LIMS1: variants seen among roughly 807,000 people sequenced by gnomAD.
LIMS1 encodes the protein LIM and senescent cell antigen-like-containing domain protein 1.
Under a neutral mutation model 44.1 loss-of-function variants are expected in LIMS1, and 18 were observed. The observed-to-expected ratio is 0.41, with a 90% CI of 0.28 to 0.61. The LOEUF (loss-of-function observed/expected upper bound fraction) is 0.61. Among genes scored for constraint, LIMS1 ranks in the 20% least tolerant of loss-of-function variants. The probability of loss-of-function intolerance (pLI) is 0.32; values close to 1 mark genes in which losing one functional copy is unlikely to be tolerated. For missense variants in LIMS1, 201 were observed against 422.0 expected (o/e 0.48, Z 4.59); for synonymous variants, 93 against 149.1 (o/e 0.62, Z 2.74).
chr2:108,683,870 A>AT lies in LIMS1; in HGVS notation c.900-9dup. 2 of 1,373,040 alleles carry AT rather than the reference A, an allele frequency of 1.5e-6. No individual in the cohort carries two copies. Among genetic ancestry groups the AT allele is most frequent in the Non-Finnish European group, 2.0e-6 (2 of 995,936 alleles). 85.1% of individuals were successfully genotyped at this position (1,373,040 alleles called of 1,614,324 possible). On this transcript the variant is annotated splice_polypyrimidine_tract_variant and intron_variant, in intron 9 of 9. Transcript: ENST00000544547. ...TTCCACTAACTTCTTTTTTTTTATA[A>AT]TTTTTTGTCTTTAGGAATAAGTTTG... is the stretch of plus-strand genomic sequence containing the variant.
At chr2:108,629,889 C>G (rs1688798089) in intron 1 of LIMS1, among the ~76,000 whole-genome samples, 1 of 152,070 alleles carries the variant, frequency 6.6e-6, no homozygotes, top group Admixed American at 6.6e-5. Flanking sequence ...TTTAGGAGAT[C>G]AAGATTTGAA....
chr2:108,603,495 C>CTTTTTTTTT (rs55909729), intron 1 of LIMS1, among the ~76,000 whole-genome samples: 1 of 88,210 alleles, frequency 1.1e-5, no homozygotes, highest in Admixed American at 1.7e-4. Flanking sequence ...TTTTCATCGC[C>CTTTTTTTTT]TTTTTTTTTT....
rs1301396350 is a variant in LIMS1 at position 108,642,352 on chromosome 2, TTTTTTGTTTTTTG to T, written c.33-17247_33-17235del. Among the ~76,000 whole-genome samples, 41 of 8,188 alleles carry T rather than the reference TTTTTTGTTTTTTG, an allele frequency of 5.0e-3. 3 individuals carry two copies. In the South Asian group the frequency reaches 0.068, roughly 14 times the overall value. 5.4% of individuals were successfully genotyped at this position (8,188 alleles called of 152,430 possible). A position where few individuals can be genotyped will look rare whatever the true frequency, so the allele number is the denominator to read the frequency against. ...CTACTAGTGTTTTTTGTTTTTTTTT[TTTTTTGTTTTTTG>T]TTTTTTTTTTTTGAGACGGAGTCTC... is the stretch of plus-strand genomic sequence containing the variant. On this transcript the variant is annotated intron_variant, in intron 1 of 9. Coordinates refer to ENST00000544547, the Ensembl canonical transcript of LIMS1.
At chr2:108,560,683 C>A (rs1685082868) in intron 1 of LIMS1, among the ~76,000 whole-genome samples, 1 of 152,054 alleles carries the variant, frequency 6.6e-6, no homozygotes, top group East Asian at 1.9e-4. Flanking sequence ...CAAACACACA[C>A]ACACAGCTTC....
intron 1 of LIMS1, among the ~76,000 whole-genome samples, chr2:108,584,402 G>C (rs929395944): frequency 6.6e-5 from 10 of 152,006 alleles, no homozygotes; most frequent in Non-Finnish European, 1.3e-4. Context: ...TTAAAGCCAC[G>C]TAACCTCATT....
In LIMS1 at chr2:108,568,008, T is replaced by C. The variant is rs995344347; in HGVS notation, c.32+33414T>C. ...ACTCACTGATTCACCAAAAATTGGG[T>C]AAATGGTTATTTTTATTCATCTGTC... is the stretch of plus-strand genomic sequence containing the variant. On this transcript the variant is annotated intron_variant, in intron 1 of 9. Coordinates refer to ENST00000544547, the Ensembl canonical transcript of LIMS1. 2.6e-5 allele frequency among the ~76,000 whole-genome samples: 4 copies of C among 152,252 alleles called. 1 individual carries two copies. The highest frequency in any genetic ancestry group is 6.3e-3 in the Middle Eastern group (2 of 316).
Position 108,604,510 on chromosome 2 carries a change from G to C in LIMS1, c.33-55095G>C, listed in dbSNP as rs750832270. On this transcript the variant is annotated intron_variant, in intron 1 of 9. Coordinates refer to ENST00000544547, the Ensembl canonical transcript of LIMS1. ...AACTTAACATTTTCAAATTTTAGAC[G>C]GTTACTGCATTCAGATCTTTTATCC... Among the ~76,000 whole-genome samples the C allele has an allele frequency of 2.6e-5, 4 of 152,158 alleles. No individual in the cohort carries two copies. In the South Asian group the frequency reaches 8.3e-4, roughly 32 times the overall value.
chr2:108,568,981 T>A (rs1056903350), intron 1 of LIMS1, among the ~76,000 whole-genome samples: 2 of 152,108 alleles, frequency 1.3e-5, no homozygotes, highest in African/African-American at 4.8e-5. Flanking sequence ...AACCTCCGCC[T>A]CCCAGGTTCC....
chr2:108,598,831 A>G (rs1686854035), intron 1 of LIMS1, among the ~76,000 whole-genome samples: 1 of 152,070 alleles, frequency 6.6e-6, no homozygotes, highest in Admixed American at 6.6e-5. Context: ...TTAGCATCTT[A>G]TAAAGAAAAA....
chr2:108,637,925 G>A (rs1689386782), intron 1 of LIMS1, among the ~76,000 whole-genome samples: 1 of 150,656 alleles, frequency 6.6e-6, no homozygotes, highest in African/African-American at 2.4e-5. Flanking sequence ...GCAGTGGCAT[G>A]ATCACAGCTC....
At chr2:108,651,378 C>T (rs554033776) in intron 1 of LIMS1, among the ~76,000 whole-genome samples, 23 of 152,338 alleles carry the variant, frequency 1.5e-4, no homozygotes, top group African/African-American at 5.3e-4. Context: ...TCGTTCAGAA[C>T]GTCAGCTTCT....
intron 8 of LIMS1, 150 bp from the exon 9 acceptor site, chr2:108,680,545 A>T: frequency 2.4e-5 from 28 of 1,156,878 alleles, no homozygotes; most frequent in Non-Finnish European, 2.7e-5. Flanking sequence ...TCATTTAAAA[A>T]AAAAAAAAAA....
At chr2:108,618,352 T>C (rs1345802407) in intron 1 of LIMS1, among the ~76,000 whole-genome samples, 2 of 152,132 alleles carry the variant, frequency 1.3e-5, no homozygotes, top group African/African-American at 4.8e-5. Flanking sequence ...TCCATCTCCA[T>C]GGGAAAGTAC....
chr2:108,576,901 C>T (rs1277778246), intron 1 of LIMS1, among the ~76,000 whole-genome samples: 1 of 152,170 alleles, frequency 6.6e-6, no homozygotes, highest in African/African-American at 2.4e-5. Flanking sequence ...ACAGGGAGAA[C>T]TCCCTGAGGT....
At chr2:108,534,806 T>G (rs1684068515) in intron 1 of LIMS1, among the ~76,000 whole-genome samples, 1 of 151,858 alleles carries the variant, frequency 6.6e-6, no homozygotes, top group African/African-American at 2.4e-5. Context: ...CTCCCGGGTG[T>G]CCGCGGTGGC....
intron 1 of LIMS1, among the ~76,000 whole-genome samples, chr2:108,580,300 A>G (rs1306256979): frequency 1.3e-5 from 2 of 152,218 alleles, no homozygotes; most frequent in Non-Finnish European, 2.9e-5. Context: ...GAGAAATAGT[A>G]TCTGATTAAC....
intron 1 of LIMS1, among the ~76,000 whole-genome samples, chr2:108,604,968 A>T (rs1278086141): frequency 6.6e-6 from 1 of 152,208 alleles, no homozygotes; most frequent in African/African-American, 2.4e-5. Context: ...TCTGAACAGG[A>T]TACTGAAGCT....
At chr2:108,611,618 G>A (rs1326910300) in intron 1 of LIMS1, among the ~76,000 whole-genome samples, 1 of 151,940 alleles carries the variant, frequency 6.6e-6, no homozygotes, top group Non-Finnish European at 1.5e-5. Context: ...AGTAGCTCAC[G>A]CCTGTAATCC....
chr2:108,674,223 G>T (rs1403167682), intron 5 of LIMS1, among the ~76,000 whole-genome samples: 1 of 152,040 alleles, frequency 6.6e-6, no homozygotes, highest in East Asian at 1.9e-4. Flanking sequence ...CCAGCTACTT[G>T]GAAGGCTGAG....
Sources: allele counts gnomAD v4.1 joint callset (sites outside exome capture counted in the v4.1 genomes callset), GRCh38; gene constraint gnomAD v4.1.1; transcripts MANE v1.5; gene names NCBI Gene and HGNC (gene_info 2026-07-23, HGNC 2026-07-21).